The following TRPC4 variants were observed in gnomAD, a reference collection of about 807,000 sequenced individuals.
The protein encoded by TRPC4 is short transient receptor potential channel 4.
A neutral mutation model predicts 99.4 loss-of-function variants in TRPC4; 49 were observed. That is an observed-to-expected ratio of 0.49 (90% CI 0.39 to 0.63). TRPC4 has a LOEUF of 0.63. TRPC4 is among the 20% of genes least tolerant of loss of function. The probability of loss-of-function intolerance (pLI) is 0.00; values close to 1 mark genes in which losing one functional copy is unlikely to be tolerated. For synonymous variants in TRPC4, 454 were observed against 425.9 expected (o/e 1.07, Z -0.81); for missense variants, 898 against 1,152.9 (o/e 0.78, Z 3.20).
In TRPC4 at chr13:37,691,263, G is replaced by A. The variant is rs987344818; in HGVS notation, c.1234+736C>T. Among the ~76,000 whole-genome samples, 5 of 152,080 alleles carry A rather than the reference G, an allele frequency of 3.3e-5. No individual in the cohort carries two copies. The East Asian group carries it at 5.8e-4, about 18-fold the overall frequency. On this transcript the variant is annotated intron_variant, in intron 4 of 10. Transcript: ENST00000379705. ...ACTACAGGCGCCCGCCACCACGCCCGGCTAATTTCTTTTTGAATTTTTAGT... is the reference window on the plus strand; with the variant it reads ...ACTACAGGCGCCCGCCACCACGCCCAGCTAATTTCTTTTTGAATTTTTAGT...
intron 8 of TRPC4, among the ~76,000 whole-genome samples, chr13:37,643,470 G>GT (rs1409362173): frequency 2.6e-5 from 4 of 152,160 alleles, no homozygotes; most frequent in Non-Finnish European, 5.9e-5. Flanking sequence ...GAAAGAAGCC[G>GT]TAACAGCCCT....
chr13:37,647,818 G>T (rs2138586370), intron 8 of TRPC4, among the ~76,000 whole-genome samples: 1 of 152,186 alleles, frequency 6.6e-6, no homozygotes, highest in Admixed American at 6.5e-5. Context: ...TAAACTATCA[G>T]GAGGATTAAC....
At chr13:37,824,422 C>A (rs1446850337) in intron 1 of TRPC4, among the ~76,000 whole-genome samples, 1 of 151,856 alleles carries the variant, frequency 6.6e-6, no homozygotes, top group African/African-American at 2.4e-5. Flanking sequence ...TCATAGATAG[C>A]TCTTATTGTT....
intron 4 of TRPC4, among the ~76,000 whole-genome samples, chr13:37,683,061 G>A (rs530517013): frequency 4.0e-5 from 6 of 151,694 alleles, no homozygotes; most frequent in South Asian, 2.1e-4. Flanking sequence ...CGGCAGCCCA[G>A]CCAGGACAGT....
At chr13:37,694,660 T>G (rs1953849987) in intron 3 of TRPC4, among the ~76,000 whole-genome samples, 1 of 152,200 alleles carries the variant, frequency 6.6e-6, no homozygotes, top group South Asian at 2.1e-4. Flanking sequence ...ACTTTTTCTT[T>G]CTTTAGTTAT....
chr13:37,790,896 C>T lies in TRPC4; in HGVS notation c.-27-7536G>A, dbSNP rs182537363. ...AATATATAAAGAATCAGGTTAACAT[C>T]ATACCTCATAACAGTAAATTTGGAG... On this transcript the variant is annotated intron_variant, in intron 1 of 10. Transcript: ENST00000379705. Among the ~76,000 whole-genome samples, 6 of 152,136 alleles carry T rather than the reference C, an allele frequency of 3.9e-5. No individual in the cohort carries two copies. In the East Asian group the frequency reaches 9.7e-4, roughly 25 times the overall value.
chr13:37,713,727 A>G (rs1345917916), intron 3 of TRPC4, among the ~76,000 whole-genome samples: 1 of 152,138 alleles, frequency 6.6e-6, no homozygotes, highest in Non-Finnish European at 1.5e-5. Flanking sequence ...CAAAAAACCC[A>G]TGGATGTTTT....
intron 4 of TRPC4, among the ~76,000 whole-genome samples, chr13:37,674,912 A>C (rs1042624669): frequency 6.6e-6 from 1 of 152,184 alleles, no homozygotes; most frequent in African/African-American, 2.4e-5. Context: ...TCCAGAAAAA[A>C]TGTATTTTTA....
intron 1 of TRPC4, among the ~76,000 whole-genome samples, chr13:37,806,316 A>T (rs900945670): frequency 2.0e-5 from 3 of 152,116 alleles, no homozygotes; most frequent in Non-Finnish European, 2.9e-5. Flanking sequence ...TATTGTCAAT[A>T]GAATTATTTT....
intron 4 of TRPC4, among the ~76,000 whole-genome samples, chr13:37,680,024 G>A (rs981113143): frequency 6.6e-6 from 1 of 152,148 alleles, no homozygotes; most frequent in African/African-American, 2.4e-5. Flanking sequence ...AAGAGGCAGC[G>A]TAAACAAGAA....
intron 2 of TRPC4, among the ~76,000 whole-genome samples, chr13:37,765,427 T>C (rs1956337203): frequency 6.6e-6 from 1 of 151,486 alleles, no homozygotes; most frequent in African/African-American, 2.4e-5. Flanking sequence ...GTTAAATTGA[T>C]TACAGTGTGA....
intron 2 of TRPC4, among the ~76,000 whole-genome samples, chr13:37,761,780 C>G (rs1043841305): frequency 2.6e-5 from 4 of 151,780 alleles, no homozygotes; most frequent in African/African-American, 9.7e-5. Context: ...TTTGTTTCTC[C>G]TCACATAAAC....
chr13:37,749,849 A>G (rs1955883928), intron 2 of TRPC4, among the ~76,000 whole-genome samples: 1 of 152,152 alleles, frequency 6.6e-6, no homozygotes, highest in South Asian at 2.1e-4. Flanking sequence ...TTGTTATTAA[A>G]GTATAACATA....
At chr13:37,867,876 T>C (rs1959871451) in intron 1 of TRPC4, among the ~76,000 whole-genome samples, 1 of 152,124 alleles carries the variant, frequency 6.6e-6, no homozygotes, top group Non-Finnish European at 1.5e-5. Flanking sequence ...ACAGGTAACT[T>C]TTCAGTCCTA....
rs1555286991 is a variant in TRPC4 at position 37,866,854 on chromosome 13, G to GT, written c.-28+2740_-28+2741insA. Reference sequence around the variant, plus strand: ...TTAATGTTTATTTTTTGTGGGGGGGGGCGGGTATAGGGTATAAATTAGGTG... The same window carrying GT: ...TTAATGTTTATTTTTTGTGGGGGGGGTGCGGGTATAGGGTATAAATTAGGTG... On this transcript the variant is annotated intron_variant, in intron 1 of 10. Coordinates refer to ENST00000379705, the MANE Select transcript of TRPC4 (RefSeq NM_016179.4). 8.0e-5 allele frequency among the ~76,000 whole-genome samples: 9 copies of GT among 111,948 alleles called. 1 individual carries two copies. Among genetic ancestry groups the GT allele is most frequent in the South Asian group, 2.9e-4 (1 of 3,420 alleles). 73.4% of individuals were successfully genotyped at this position (111,948 alleles called of 152,430 possible). A position where few individuals can be genotyped will look rare whatever the true frequency, so the allele number is the denominator to read the frequency against.
intron 8 of TRPC4, among the ~76,000 whole-genome samples, chr13:37,649,809 A>G (rs1951982323): frequency 6.6e-6 from 1 of 151,872 alleles, no homozygotes; most frequent in South Asian, 2.1e-4. Flanking sequence ...CTTTTAACAC[A>G]AAAGTCAAAT....
At chr13:37,641,192 A>C (rs573583522) in intron 8 of TRPC4, among the ~76,000 whole-genome samples, 1 of 152,300 alleles carries the variant, frequency 6.6e-6, no homozygotes, top group East Asian at 1.9e-4. Context: ...ATACAAATAT[A>C]AAAAGGTCAA....
chr13:37,651,490 G>T, intron 7 of TRPC4, 31 bp from the exon 8 acceptor site: 2 of 1,592,312 alleles, frequency 1.3e-6, no homozygotes, highest in African/African-American at 1.3e-5. Flanking sequence ...ACTGATGATA[G>T]GTTCCTTAAT....
chr13:37,643,435 GAGA>G (rs1161662664), intron 8 of TRPC4, among the ~76,000 whole-genome samples: 1 of 152,168 alleles, frequency 6.6e-6, no homozygotes, highest in Non-Finnish European at 1.5e-5. Context: ...GAGTACAGGG[GAGA>G]AGGAGGTAAT....
Sources: allele counts gnomAD v4.1 joint callset (sites outside exome capture counted in the v4.1 genomes callset), GRCh38; gene constraint gnomAD v4.1.1; transcripts MANE v1.5; gene names NCBI Gene and HGNC (gene_info 2026-07-23, HGNC 2026-07-21).